RSKR: variants seen among roughly 807,000 people sequenced by gnomAD.
RSKR encodes ribosomal protein S6 kinase-related protein.
In RSKR, 44 loss-of-function variants were observed where a neutral mutation model predicts 56.8. The observed-to-expected ratio is 0.77, with a 90% CI of 0.61 to 1.00. The LOEUF is 1.00. RSKR is among the 50% of genes least tolerant of loss of function. RSKR has a pLI of 0.00. For synonymous variants in RSKR, 181 were observed against 188.0 expected (o/e 0.96, Z 0.30); for missense variants, 510 against 506.9 (o/e 1.01, Z -0.06).
chr17:28,614,049 T>C (rs1421847639), intron 1 of RSKR, 38 bp downstream of exon 1: 1 of 1,601,532 alleles, frequency 6.2e-7, no homozygotes, highest in South Asian at 1.1e-5. Flanking sequence ...TGTCTCCCTC[T>C]CCTCCCCTCA....
intron 1 of RSKR, 53 bp from the exon 2 acceptor site, chr17:28,613,741 T>C (rs1488847775): frequency 6.2e-7 from 1 of 1,603,010 alleles, no homozygotes; most frequent in East Asian, 2.2e-5. Flanking sequence ...CATAGCAGGT[T>C]CCACCCATCT....
At chr17:28,612,002 A>G (rs1164745508) in intron 7 of RSKR, 42 bp downstream of exon 7, 2 of 1,614,072 alleles carry the variant, frequency 1.2e-6, no homozygotes, top group Admixed American at 3.3e-5. Context: ...CTTCTTATTG[A>G]GACTCTTTCT....
rs772912185 is a variant in RSKR, at chr17:28,614,115, T to TC, written c.46dup (p.Glu16GlyfsTer84). ...GTGAGGGACAGCCACCCGGGTGTGT[T>TC]CCCCCTGCTGGGTGTGCTGCCCCTG... is the stretch of plus-strand genomic sequence containing the variant. On this transcript the variant is annotated frameshift_variant, in exon 1 of 12. Coordinates refer to ENST00000301037, the MANE Select transcript of RSKR (RefSeq NM_001174103.2). LOFTEE classifies it high-confidence loss of function. 8.1e-6 allele frequency: 13 copies of TC among 1,613,616 alleles called. No individual in the cohort carries two copies. Among genetic ancestry groups the TC allele is most frequent in the Non-Finnish European group, 1.0e-5 (12 of 1,179,928 alleles).
rs2070784956 is a variant in RSKR at position 28,609,630 on chromosome 17, T to C, written c.*848A>G. The C allele has an allele frequency of 6.6e-6, 1 of 151,390 alleles. No homozygotes were observed. The highest frequency in any genetic ancestry group is 6.6e-5 in the Admixed American group (1 of 15,170). The allele number at this position is 151,390 out of a possible 1,614,324, so 9.4% of individuals were successfully genotyped here. ...GTTGAAATGCCAGCTTTTGAGACTT[T>C]TGAAAAATTCACAGGCTGGGTGTGG... On this transcript the variant is annotated 3_prime_UTR_variant, in exon 12 of 12. Coordinates refer to ENST00000301037, the MANE Select transcript of RSKR (RefSeq NM_001174103.2).
chr17:28,610,390 A>G lies in RSKR; in HGVS notation c.*88T>C. The G allele has an allele frequency of 8.1e-7, 1 of 1,233,716 alleles. No individual in the cohort carries two copies. The highest frequency in any genetic ancestry group is 1.1e-6 in the Non-Finnish European group (1 of 885,370). 76.4% of individuals were successfully genotyped at this position (1,233,716 alleles called of 1,614,324 possible). A position where few individuals can be genotyped will look rare whatever the true frequency, so the allele number is the denominator to read the frequency against. ...CGGTAAGAGGCTACAAAATAAAAAC[A>G]AACTGGATTATCAAGGTGGTCATAC... On this transcript the variant is annotated 3_prime_UTR_variant, in exon 12 of 12. Transcript: ENST00000301037.
At chr17:28,613,913 T>G in intron 1 of RSKR, 174 bp downstream of exon 1, 1 of 988,868 alleles carries the variant, frequency 1.0e-6, no homozygotes, top group Non-Finnish European at 1.5e-6. Context: ...CATGACGCAT[T>G]AAGAGTACAG....
chr17:28,613,747 C>T, intron 1 of RSKR, 59 bp from the exon 2 acceptor site: 1 of 1,599,932 alleles, frequency 6.3e-7, no homozygotes, highest in Non-Finnish European at 8.5e-7. Context: ...AGGTTCCACC[C>T]ATCTTACTAG....
At position 28,612,703 on chromosome 17, in the gene RSKR, A is replaced by G. The variant is rs1279582602; in HGVS notation, c.478-16T>C. ...TGATCTGTCGCTAGGAACAAAGAAA[A>G]CAGGAAGTTAGGGAGGAACAGGGTC... is the stretch of plus-strand genomic sequence containing the variant. On this transcript the variant is annotated splice_polypyrimidine_tract_variant and intron_variant, in intron 4 of 11. Transcript: ENST00000301037. The G allele has an allele frequency of 1.1e-5, 18 of 1,613,756 alleles. No individual in the cohort carries two copies. Among genetic ancestry groups the G allele is most frequent in the Non-Finnish European group, 1.5e-5 (18 of 1,179,772 alleles).
chr17:28,613,501 A>T lies in RSKR; in HGVS notation c.263T>A (p.Phe88Tyr). ...AAACTCTGGTAGAAAGAGGTTGATG[A>T]ACTGAGGCACTGGCCACTCTGGCAG... Reference protein sequence around the residue: ...KPLPEWPVPQFINLFLPEFPI... With the variant: ...KPLPEWPVPQYINLFLPEFPI... Residue 88 changes from phenylalanine to tyrosine, a missense_variant, in exon 2 of 12, where the codon TTC becomes TAC. Physicochemically the swap from Phe to Tyr is conservative, Grantham distance 22. Transcript: ENST00000301037. The T allele has an allele frequency of 6.2e-7, 1 of 1,614,204 alleles. No homozygotes were observed. Among genetic ancestry groups the T allele is most frequent in the Non-Finnish European group, 8.5e-7 (1 of 1,180,040 alleles).
chr17:28,611,833 C>T, intron 7 of RSKR, 38 bp from the exon 8 acceptor site: 1 of 1,613,906 alleles, frequency 6.2e-7, no homozygotes, highest in Non-Finnish European at 8.5e-7. Flanking sequence ...CTTCCTCTTC[C>T]TTTCAACTCT....
intron 4 of RSKR, 145 bp downstream of exon 4, chr17:28,612,933 A>T: frequency 3.3e-6 from 3 of 907,840 alleles, no homozygotes; most frequent in South Asian, 1.4e-5. Context: ...GAGAGCTGAT[A>T]CTTTTCCCAG....
In RSKR at chr17:28,611,133, T is replaced by A; in HGVS notation, c.1011+10A>T. The stretch of plus-strand genomic sequence containing the variant: ...TCGTAGCCAAGAAGGAAAGCAGTGC[T>A]CATCCTTACCTCATGGAGCAGGAGT... On this transcript the variant is annotated intron_variant, in intron 11 of 11. Coordinates refer to ENST00000301037, the MANE Select transcript of RSKR (RefSeq NM_001174103.2). The A allele has an allele frequency of 6.5e-7, 1 of 1,528,518 alleles. No homozygotes were observed. Among genetic ancestry groups the A allele is most frequent in the Non-Finnish European group, 8.8e-7 (1 of 1,139,908 alleles). The allele number at this position is 1,528,518 out of a possible 1,614,324, so 94.7% of individuals were successfully genotyped here. A position where few individuals can be genotyped will look rare whatever the true frequency, so the allele number is the denominator to read the frequency against.
Position 28,610,345 on chromosome 17 carries a change from TA to T in RSKR, c.*132del. 2.4e-6 allele frequency: 2 copies of T among 841,114 alleles called. No individual in the cohort carries two copies. The highest frequency in any genetic ancestry group is 3.6e-6 in the Non-Finnish European group (2 of 549,820). 52.1% of individuals were successfully genotyped at this position (841,114 alleles called of 1,614,324 possible). On this transcript the variant is annotated 3_prime_UTR_variant, in exon 12 of 12. Coordinates refer to ENST00000301037, the MANE Select transcript of RSKR (RefSeq NM_001174103.2). ...GAATGTCCAGGTTGGAACTCTGGTC[TA>T]AAGCCTAGGAGAGCAGAACGGTAAG...
In RSKR at chr17:28,610,571, T is replaced by C; in HGVS notation, c.1140A>G (p.Thr380=). The change falls in exon 12 of 12, where the codon ACA becomes ACG. Residue 380 remains threonine, a synonymous_variant. Coordinates refer to ENST00000301037, the MANE Select transcript of RSKR (RefSeq NM_001174103.2). ...CCGCTGAACTGGGCTGGGTAGCTTG[T>C]GTCTCCGTGACAAAGTTCACTGGCT... The part of the protein sequence containing the change: ...QKQPVNFVTE[T]QATQPSSAET... The C allele has an allele frequency of 3.9e-6, 6 of 1,536,076 alleles. No homozygotes were observed. The highest frequency in any genetic ancestry group is 5.2e-6 in the Non-Finnish European group (6 of 1,146,892).
At chr17:28,612,778 G>C in intron 4 of RSKR, 91 bp from the exon 5 acceptor site, 1 of 1,226,684 alleles carries the variant, frequency 8.2e-7, no homozygotes, top group Non-Finnish European at 1.2e-6. Flanking sequence ...GATGTGCAGA[G>C]GGGGAACTGC....
intron 10 of RSKR, 46 bp from the exon 11 acceptor site, chr17:28,611,299 C>T: frequency 6.5e-7 from 1 of 1,530,826 alleles, no homozygotes; most frequent in Admixed American, 2.0e-5. Flanking sequence ...GGGTTCATTC[C>T]TTAGTAGGAA....
chr17:28,612,815 T>C, intron 4 of RSKR, 128 bp from the exon 5 acceptor site: 1 of 893,174 alleles, frequency 1.1e-6, no homozygotes, highest in Non-Finnish European at 1.8e-6. Flanking sequence ...TCAGAGGAAC[T>C]CAATATTTGG....
Position 28,609,328 on chromosome 17 carries a change from C to A in RSKR, c.*1150G>T, listed in dbSNP as rs75718781. 6.6e-6 allele frequency: 1 copy of A among 151,980 alleles called. No homozygotes were observed. The highest frequency in any genetic ancestry group is 1.5e-5 in the Non-Finnish European group (1 of 68,016). 9.4% of individuals were successfully genotyped at this position (151,980 alleles called of 1,614,324 possible). A position where few individuals can be genotyped will look rare whatever the true frequency, so the allele number is the denominator to read the frequency against. On this transcript the variant is annotated 3_prime_UTR_variant, in exon 12 of 12. Coordinates refer to ENST00000301037, the MANE Select transcript of RSKR (RefSeq NM_001174103.2). ...ATAACCTTAAATCTTAAGGTTGATG[C>A]ATGCCTCTTAATCTCTTGGTTTGCC...
rs1486978885 is a variant in RSKR at position 28,611,139 on chromosome 17, T to C, written c.1011+4A>G. 6.5e-7 allele frequency: 1 copy of C among 1,534,654 alleles called. No individual in the cohort carries two copies. The highest frequency in any genetic ancestry group is 2.0e-5 in the Admixed American group (1 of 50,984). On this transcript the variant is annotated splice_donor_region_variant and intron_variant, in intron 11 of 11. Transcript: ENST00000301037. ...CCAAGAAGGAAAGCAGTGCTCATCC[T>C]TACCTCATGGAGCAGGAGTGAGAGG...
Sources: allele counts gnomAD v4.1 joint callset, GRCh38; gene constraint gnomAD v4.1.1; transcripts MANE v1.5; gene names NCBI Gene and HGNC (gene_info 2026-07-23, HGNC 2026-07-21).